The following SCYL1 variants were observed in gnomAD, a reference collection of about 807,000 sequenced individuals.
The protein encoded by SCYL1 is SCY1 like pseudokinase 1.
SCYL1 carries 85 observed loss-of-function variants against 94.8 expected under a neutral mutation model. That is an observed-to-expected ratio of 0.90 (90% CI 0.75 to 1.07). SCYL1 has a LOEUF of 1.07. SCYL1 is among the 50% of genes least tolerant of loss of function. The pLI, the probability that SCYL1 is intolerant of heterozygous loss-of-function variation, is 0.00. For synonymous variants in SCYL1, 459 were observed against 435.5 expected, an observed-to-expected ratio of 1.05 and a Z score of -0.67; for missense variants, 968 against 1,083.3, an observed-to-expected ratio of 0.89 and a Z score of 1.49.
In SCYL1 at chr11:65,535,987, G is replaced by T; in HGVS notation, c.1421G>T (p.Arg474Leu). 1 of 1,610,758 alleles carries T rather than the reference G, an allele frequency of 6.2e-7. No homozygotes were observed. The highest frequency in any genetic ancestry group is 8.5e-7 in the Non-Finnish European group (1 of 1,178,260). The stretch of plus-strand genomic sequence containing the variant: ...AGGGTCCTTACCTCTGCCTTCAGCC[G>T]AGCCACTAGGGACCCGTTTGCACCG... ...RHRVLTSAFS[R>L]ATRDPFAPSR... Residue 474 changes from arginine (R) to leucine (L), a missense_variant, in exon 11 of 18, where the codon CGA (arginine) becomes CTA (leucine). Arg to Leu is a moderately radical substitution (Grantham distance 102). Coordinates refer to ENST00000270176, the MANE Select transcript of SCYL1 (RefSeq NM_020680.4).
chr11:65,533,197 G>A (rs888385098), intron 9 of SCYL1: 20 of 208,818 alleles, frequency 9.6e-5, no homozygotes, highest in African/African-American at 3.6e-4. Context: ...TGAGGCAAGC[G>A]GATCACCTGA....
intron 11 of SCYL1, 26 bp downstream of exon 11, chr11:65,536,167 T>C (rs1387292105): frequency 1.2e-6 from 2 of 1,609,444 alleles, no homozygotes; most frequent in Admixed American, 3.4e-5. Context: ...GCCTGGGCCC[T>C]GGGCTGGGGC....
At chr11:65,535,648 G>T (rs910845578) in intron 10 of SCYL1, 15 of 591,902 alleles carry the variant, frequency 2.5e-5, no homozygotes, top group Admixed American at 2.5e-4. Flanking sequence ...TCAGTTGCTT[G>T]CCGTGCCCAG....
At chr11:65,536,951 C>A in intron 13 of SCYL1, 35 bp from the exon 14 acceptor site, 4 of 1,564,470 alleles carry the variant, frequency 2.6e-6, no homozygotes, top group East Asian at 2.3e-5. Context: ...TGTCCCAAGA[C>A]CCCCCTGAAA....
rs1565067443 is a variant in SCYL1 at position 65,526,075 on chromosome 11, G to A, written c.375+32G>A. On this transcript the variant is annotated intron_variant, in intron 3 of 17. Coordinates refer to ENST00000270176, the MANE Select transcript of SCYL1 (RefSeq NM_020680.4). This position sits in a 1 kb window ranked among gnomAD's most constrained non-coding sequence, Gnocchi z 4.1. ...TGGGGGGCAGTGGTGATGAGAGCAG[G>A]GATGGGGGGTTGCAGGTGCTGGGGC... is the stretch of plus-strand genomic sequence containing the variant. The A allele has an allele frequency of 6.2e-7, 1 of 1,612,000 alleles. No homozygotes were observed. The highest frequency in any genetic ancestry group is 8.5e-7 in the Non-Finnish European group (1 of 1,179,258).
In SCYL1 at chr11:65,537,795, T is replaced by C; in HGVS notation, c.1960-14T>C. ...GCATGGGGTGGGAGTCAGTGGTCCCTTCCCACACTGCAGCAGGAGGCCGAG... is the reference window on the plus strand; with the variant it reads ...GCATGGGGTGGGAGTCAGTGGTCCCCTCCCACACTGCAGCAGGAGGCCGAG... On this transcript the variant is annotated splice_polypyrimidine_tract_variant and intron_variant, in intron 14 of 17. Transcript: ENST00000270176. The C allele has an allele frequency of 1.3e-6, 2 of 1,548,888 alleles. No individual in the cohort carries two copies. Among genetic ancestry groups the C allele is most frequent in the Non-Finnish European group, 8.7e-7 (1 of 1,146,046 alleles).
intron 9 of SCYL1, 154 bp from the exon 10 acceptor site, chr11:65,535,073 C>T (rs1590738475): frequency 2.2e-6 from 2 of 908,182 alleles, no homozygotes; most frequent in East Asian, 2.7e-5. Flanking sequence ...GGGTCCCTTT[C>T]TTCAACATGC....
chr11:65,531,654 C>T lies in SCYL1; in HGVS notation c.1087C>T (p.Arg363Trp), dbSNP rs371744623. Residue 363 changes from arginine (R) to tryptophan (W), a missense_variant, in exon 8 of 18, where the codon CGG becomes TGG. Coordinates refer to ENST00000270176, the MANE Select transcript of SCYL1 (RefSeq NM_020680.4). ...VVVKMFSSTD[R>W]AMRIRLLQQM... ...GGTCAAGATGTTCTCATCCACTGAC[C>T]GGGCCATGCGCATCCGCCTCCTGCA... 28 of 1,613,642 alleles carry T rather than the reference C, an allele frequency of 1.7e-5. No homozygotes were observed. Among genetic ancestry groups the T allele is most frequent in the Non-Finnish European group, 2.2e-5 (26 of 1,179,756 alleles).
rs1855818561 is a variant in SCYL1, at chr11:65,538,283, CTT to C, written c.2262_2263del (p.Trp755GlyfsTer2). ...TTCTCTTTACAGCCGAGGCCAGACT[CTT>C]GGGGTGAGGACAACTGGGAGGGCCT... is the stretch of plus-strand genomic sequence containing the variant. On this transcript the variant is annotated frameshift_variant, in exon 17 of 18. Transcript: ENST00000270176. LOFTEE classifies it high-confidence loss of function. 1 of 1,552,914 alleles carries C rather than the reference CTT, an allele frequency of 6.4e-7. No individual in the cohort carries two copies. The highest frequency in any genetic ancestry group is 8.7e-7 in the Non-Finnish European group (1 of 1,147,910).
In SCYL1 at chr11:65,538,391, G is replaced by A. The variant is rs533603138; in HGVS notation, c.2303-51G>A. 5.7e-5 allele frequency: 88 copies of A among 1,539,240 alleles called. No individual in the cohort carries two copies. The South Asian group carries it at 7.2e-4, about 13-fold the overall frequency. On this transcript the variant is annotated intron_variant, in intron 17 of 17. Coordinates refer to ENST00000270176, the MANE Select transcript of SCYL1 (RefSeq NM_020680.4). ...GACTAGCCCGCCCCTACAGGCCCCCGGCAGGCACTGGCTGGAGAGCTGAGA... is the reference window on the plus strand; with the variant it reads ...GACTAGCCCGCCCCTACAGGCCCCCAGCAGGCACTGGCTGGAGAGCTGAGA...
rs1392480154 is a variant in SCYL1 at position 65,537,832 on chromosome 11, C to T, written c.1983C>T (p.Ala661=). 6.4e-7 allele frequency: 1 copy of T among 1,570,666 alleles called. No homozygotes were observed. The highest frequency in any genetic ancestry group is 2.3e-5 in the East Asian group (1 of 42,944). Reference sequence around the variant, plus strand: ...AGCAGGAGGCCGAGTCTGTGCTGGCCCAGCAGGACGACTGGAGCACCGGGG... The same window carrying T: ...AGCAGGAGGCCGAGTCTGTGCTGGCTCAGCAGGACGACTGGAGCACCGGGG... ...SLEQEAESVL[A]QQDDWSTGGQ... The change falls in exon 15 of 18, where the codon GCC becomes GCT. Residue 661 remains alanine, a synonymous_variant. Coordinates refer to ENST00000270176, the MANE Select transcript of SCYL1 (RefSeq NM_020680.4).
At chr11:65,532,633 G>A in intron 8 of SCYL1, 59 bp from the exon 9 acceptor site, 1 of 1,391,206 alleles carries the variant, frequency 7.2e-7, no homozygotes, top group Non-Finnish European at 1.0e-6. Context: ...CGGTTCCATG[G>A]CTATGGGGAT....
At chr11:65,525,832 C>T (rs1855046368) in intron 2 of SCYL1, 89 bp from the exon 3 acceptor site, 2 of 1,581,134 alleles carry the variant, frequency 1.3e-6, no homozygotes, top group Non-Finnish European at 1.7e-6. Flanking sequence ...ATTTGGTTTC[C>T]TCTTCCCCAT....
At chr11:65,532,608 A>G (rs1855442832) in intron 8 of SCYL1, 84 bp from the exon 9 acceptor site, 1 of 1,144,206 alleles carries the variant, frequency 8.7e-7, no homozygotes, top group Non-Finnish European at 1.3e-6. Context: ...CTGGGTGGAA[A>G]AGCTAAGCCA....
chr11:65,536,448 A>G, intron 12 of SCYL1, 114 bp downstream of exon 12: 1 of 1,407,080 alleles, frequency 7.1e-7, no homozygotes, highest in Admixed American at 1.9e-5. Flanking sequence ...GACTTGACTC[A>G]GCTCCCCCTT....
At position 65,532,789 on chromosome 11, in the gene SCYL1, G is replaced by C. The variant is rs768088214; in HGVS notation, c.1214G>C (p.Arg405Pro). 1.2e-6 allele frequency: 2 copies of C among 1,613,846 alleles called. No homozygotes were observed. Among genetic ancestry groups the C allele is most frequent in the Non-Finnish European group, 1.7e-6 (2 of 1,179,798 alleles). ...HGFLDTNPAI[R>P]EQTVKSMLLL... ...TTCCTGGACACCAACCCTGCCATCC[G>C]GGAGCAGACGGTCAAGGTGGGTGTG... Residue 405 changes from arginine to proline, a missense_variant, in exon 9 of 18, where the codon CGG becomes CCG. Arg to Pro is a moderately radical substitution (Grantham distance 103). This residue lies in a region of SCYL1 where 494 missense variants were observed against 619.7 expected (regional missense o/e 0.80). Coordinates refer to ENST00000270176, the MANE Select transcript of SCYL1 (RefSeq NM_020680.4).
At chr11:65,535,498 A>C in intron 10 of SCYL1, 116 bp downstream of exon 10, 1 of 1,338,880 alleles carries the variant, frequency 7.5e-7, no homozygotes, top group Non-Finnish European at 1.0e-6. Context: ...TAGACCCTGC[A>C]CGCTGTTGGC....
chr11:65,526,799 C>T lies in SCYL1; in HGVS notation c.619C>T (p.Arg207Cys), dbSNP rs536228379. 8.7e-6 allele frequency: 14 copies of T among 1,612,734 alleles called. No individual in the cohort carries two copies. Among genetic ancestry groups the T allele is most frequent in the South Asian group, 3.3e-5 (3 of 91,050 alleles). The change falls in exon 5 of 18, where the codon CGC (arginine) becomes TGC (cysteine). Residue 207 changes from arginine to cysteine, a missense_variant. Transcript: ENST00000270176. The surrounding 1 kb of genome is among the most constrained non-coding windows in gnomAD (Gnocchi z 4.1). ...VREKWSADMW[R>C]LGCLIWEVFN... ...CTGCCACAGGTCAGCAGACATGTGG[C>T]GCTTGGGCTGCCTCATTTGGGAAGT...
rs747342684 is a variant in SCYL1 at position 65,531,613 on chromosome 11, A to T, written c.1046A>T (p.Lys349Met). The T allele has an allele frequency of 1.9e-6, 3 of 1,613,758 alleles. No individual in the cohort carries two copies. The highest frequency in any genetic ancestry group is 4.5e-5 in the East Asian group (2 of 44,888). Residue 349 changes from lysine (K) to methionine (M), a missense_variant, in exon 8 of 18, where the codon AAG becomes ATG. Physicochemically the swap from Lys to Met is moderately conservative, Grantham distance 95. Coordinates refer to ENST00000270176, the MANE Select transcript of SCYL1 (RefSeq NM_020680.4). ...KFLSAEEYQQ[K>M]IIPVVVKMFS... ...CTGAGCGCTGAGGAGTATCAGCAGA[A>T]GATCATCCCTGTGGTGGTCAAGATG...
Sources: gnomAD v4.1 joint callset for allele counts on GRCh38, gnomAD v4.1.1 for gene constraint, gnomAD v4.1.1 regional missense constraint, Gnocchi (gnomAD v3.1) non-coding constraint, MANE v1.5 for transcripts, NCBI Gene and HGNC (gene_info 2026-07-23, HGNC 2026-07-21) for gene names.